Variants in SLC28A1 observed in about 807,000 individuals in gnomAD.
The protein encoded by SLC28A1 is sodium/nucleoside cotransporter 1.
In SLC28A1, 64 loss-of-function variants were observed where a neutral mutation model predicts 74.8. The observed-to-expected ratio is 0.86, with a 90% confidence interval of 0.70 to 1.05. SLC28A1 has a LOEUF of 1.05. Among genes scored for constraint, SLC28A1 ranks in the 50% least tolerant of loss-of-function variants. The pLI, the probability that SLC28A1 is intolerant of heterozygous loss-of-function variation, is 0.00. For synonymous variants in SLC28A1, 359 were observed against 335.0 expected (o/e 1.07, Z -0.78); for missense variants, 828 against 822.8 (o/e 1.01, Z -0.08).
the SLC28A1 span, among the ~76,000 whole-genome samples, chr15:84,955,155 C>CG: frequency 6.6e-6 from 1 of 152,154 alleles, no homozygotes; most frequent in African/African-American, 2.4e-5. Flanking sequence ...CAGACACGAG[C>CG]GAAAAAGCCT....
the SLC28A1 span, among the ~76,000 whole-genome samples, chr15:84,951,450 A>AG: frequency 1.6e-5 from 2 of 127,010 alleles, no homozygotes; most frequent in Non-Finnish European, 1.9e-5. Flanking sequence ...AAAAAAAAAA[A>AG]AAAGAAGGAG....
chr15:84,930,602 A>G (rs1037547091), intron 12 of SLC28A1, among the ~76,000 whole-genome samples: 3 of 146,262 alleles, frequency 2.1e-5, no homozygotes, highest in African/African-American at 7.6e-5. Flanking sequence ...GGTGCCCACG[A>G]TCTGCCCTCT....
chr15:84,954,883 C>T, the SLC28A1 span, among the ~76,000 whole-genome samples: 2 of 152,154 alleles, frequency 1.3e-5, 1 homozygote, highest in African/African-American at 4.8e-5. Flanking sequence ...TCTGGGCAGG[C>T]TTGTGACTGC....
At chr15:84,949,300 C>T (rs2079335928), downstream of SLC28A1, among the ~76,000 whole-genome samples, 1 of 152,130 alleles carries the variant, frequency 6.6e-6, no homozygotes, top group African/African-American at 2.4e-5. Flanking sequence ...ATGGGTGGAA[C>T]CAAGATGCTG....
chr15:84,973,094 C>A, the SLC28A1 span, among the ~76,000 whole-genome samples: 3 of 152,152 alleles, frequency 2.0e-5, no homozygotes, highest in Non-Finnish European at 4.4e-5. Flanking sequence ...CCACCTCTTC[C>A]ACCTCATTTT....
chr15:84,920,253 C>T (rs1464643086), intron 10 of SLC28A1, among the ~76,000 whole-genome samples: 1 of 152,164 alleles, frequency 6.6e-6, no homozygotes, highest in African/African-American at 2.4e-5. Flanking sequence ...CGAGACCAGT[C>T]TGGCCAACAT....
At chr15:84,906,544 CTTTCTTTCTTTCTTTCTTTCTCTT>C (rs1967185384) in intron 8 of SLC28A1, among the ~76,000 whole-genome samples, 3 of 63,392 alleles carry the variant, frequency 4.7e-5, no homozygotes, top group African/African-American at 1.9e-4. Context: ...TTCTTTCTTT[CTTTCTTTCTTTCTTTCTTTCTCTT>C]TCTTTCTTCC....
At chr15:84,974,255 G>A in the SLC28A1 span, among the ~76,000 whole-genome samples, 3 of 152,196 alleles carry the variant, frequency 2.0e-5, no homozygotes, top group South Asian at 2.1e-4. Context: ...GAGGTAGATC[G>A]TATTTCGTTT....
At chr15:84,923,935 T>A in intron 11 of SLC28A1, 50 bp from the exon 12 acceptor site, 1 of 1,613,498 alleles carries the variant, frequency 6.2e-7, no homozygotes, top group South Asian at 1.1e-5. Flanking sequence ...AGGGAGAGGA[T>A]GTGCCCAATC....
intron 12 of SLC28A1, among the ~76,000 whole-genome samples, chr15:84,929,616 G>A (rs1365920501): frequency 6.6e-6 from 1 of 151,878 alleles, no homozygotes; most frequent in Non-Finnish European, 1.5e-5. Context: ...TACTTTGGGA[G>A]GCCAAGGCAG....
rs1567140749 is a variant in SLC28A1, at chr15:84,906,573, T to TCTCTTG, written c.717+923_717+924insCTTGCT. ...CTTTCTTTCTTTCTTTCTCTTTCTT[T>TCTCTTG]CTTCCTTCCTTCCTTCCTTCCTTCC... On this transcript the variant is annotated intron_variant, in intron 8 of 18. Coordinates refer to ENST00000394573, the MANE Select transcript of SLC28A1 (RefSeq NM_004213.5). Among the ~76,000 whole-genome samples the TCTCTTG allele has an allele frequency of 4.0e-3, 389 of 98,052 alleles. 9 individuals are homozygous for TCTCTTG. The highest frequency in any genetic ancestry group is 8.7e-3 in the South Asian group (22 of 2,536). The allele number at this position is 98,052 out of a possible 152,430, so 64.3% of individuals were successfully genotyped here. A position where few individuals can be genotyped will look rare whatever the true frequency, so the allele number is the denominator to read the frequency against.
chr15:84,885,980 C>T (rs933167706), intron 1 of SLC28A1: 1 of 223,164 alleles, frequency 4.5e-6, no homozygotes, highest in Admixed American at 6.5e-5. Flanking sequence ...CCGGTACTAG[C>T]AAGTATTTAT....
At chr15:84,941,985 G>A (rs1450329726) in intron 15 of SLC28A1, among the ~76,000 whole-genome samples, 1 of 151,860 alleles carries the variant, frequency 6.6e-6, no homozygotes, top group Non-Finnish European at 1.5e-5. Context: ...TCTGAGCCTC[G>A]GTTTACTCCT....
chr15:84,887,845 T>C lies in SLC28A1; in HGVS notation c.85T>C (p.Leu29=), dbSNP rs1490972537. The part of the protein sequence containing the change: ...KGLENMGADF[L]ESLEEGQLPR... ...TCTGGAGAACATGGGGGCTGATTTC[T>C]TGGAAAGCCTGGTCTGTACCCTTCC... The change falls in exon 3 of 19, where the codon TTG becomes CTG. Residue 29 remains leucine, a synonymous_variant. Transcript: ENST00000394573. 1 of 1,612,378 alleles carries C rather than the reference T, an allele frequency of 6.2e-7. No individual in the cohort carries two copies. The highest frequency in any genetic ancestry group is 1.3e-5 in the African/African-American group (1 of 74,884).
intron 8 of SLC28A1, among the ~76,000 whole-genome samples, chr15:84,907,843 G>GT (rs60051170): frequency 0.043 from 6,514 of 152,286 alleles, 309 homozygotes; most frequent in East Asian, 0.12. Context: ...CTCACTGACA[G>GT]TAACTGTACA....
chr15:84,884,825 A>G (rs1226222047), intron 1 of SLC28A1, 74 bp downstream of exon 1: 1 of 763,550 alleles, frequency 1.3e-6, no homozygotes, highest in Non-Finnish European at 1.6e-6. Context: ...AGCACAGGGC[A>G]AAGTGGAAAA....
Position 84,920,081 on chromosome 15 carries a change from G to T in SLC28A1, c.877-908G>T, listed in dbSNP as rs148061063. ...CAAATACTTACAGAAGAGAGATTAG[G>T]CAAAGGGCAACCTGAGAGGCACCAG... On this transcript the variant is annotated intron_variant, in intron 10 of 18. Coordinates refer to ENST00000394573, the MANE Select transcript of SLC28A1 (RefSeq NM_004213.5). 3.7e-3 allele frequency among the ~76,000 whole-genome samples: 566 copies of T among 152,268 alleles called. 7 individuals are homozygous for T. Among genetic ancestry groups the T allele is most frequent in the African/African-American group, 0.011 (455 of 41,534 alleles).
chr15:84,949,291 T>G (rs1188187359), downstream of SLC28A1, among the ~76,000 whole-genome samples: 2 of 152,238 alleles, frequency 1.3e-5, no homozygotes, highest in Non-Finnish European at 2.9e-5. Context: ...TATGATCTCA[T>G]GGGTGGAACC....
At chr15:84,926,451 C>T (rs1005794672) in intron 12 of SLC28A1, 35 of 423,792 alleles carry the variant, frequency 8.3e-5, no homozygotes, top group South Asian at 5.8e-4. Context: ...AATCCTCCTG[C>T]CTTGGCCTCC....
Sources: gnomAD v4.1 joint callset for allele counts (sites outside exome capture counted in the v4.1 genomes callset) on GRCh38, gnomAD v4.1.1 for gene constraint, MANE v1.5 for transcripts, NCBI Gene and HGNC (gene_info 2026-07-23, HGNC 2026-07-21) for gene names.